CD226: variants seen among roughly 807,000 people sequenced by gnomAD.
CD226 encodes CD226 antigen.
In CD226, 24 loss-of-function variants were observed where a neutral mutation model predicts 34.9. The observed-to-expected ratio is 0.69, with a 90% CI of 0.50 to 0.97. The LOEUF (loss-of-function observed/expected upper bound fraction) is 0.97. Among genes scored for constraint, CD226 ranks in the 50% least tolerant of loss-of-function variants. CD226 has a pLI of 0.00. For missense variants in CD226, 397 were observed against 412.7 expected (o/e 0.96, Z 0.33); for synonymous variants, 148 against 147.4 (o/e 1.00, Z -0.03).
At position 69,857,553 on chromosome 18, in the gene CD226, G is replaced by T. The variant is rs1889542439; in HGVS notation, c.*6761C>A. 1 of 152,196 alleles carries T rather than the reference G, an allele frequency of 6.6e-6. No homozygotes were observed. The highest frequency in any genetic ancestry group is 2.1e-4 in the South Asian group (1 of 4,830). The allele number at this position is 152,196 out of a possible 1,614,324, so 9.4% of individuals were successfully genotyped here. A position where few individuals can be genotyped will look rare whatever the true frequency, so the allele number is the denominator to read the frequency against. On this transcript the variant is annotated 3_prime_UTR_variant, in exon 6 of 6. Coordinates refer to ENST00000582621, the MANE Select transcript of CD226 (RefSeq NM_001303618.2). ...ATGATTGAATAAGGATATATCTTAA[G>T]AATGCATTTTCATAAAAACATAAAA...
intron 3 of CD226, among the ~76,000 whole-genome samples, chr18:69,880,320 AAAAG>A (rs1411727496): frequency 3.1e-4 from 38 of 121,024 alleles, no homozygotes; most frequent in African/African-American, 1.1e-3. Flanking sequence ...GAAAGAAAGA[AAAAG>A]AAAGAGAGAA....
chr18:69,895,606 A>T, intron 3 of CD226, 95 bp downstream of exon 3: 1 of 896,776 alleles, frequency 1.1e-6, no homozygotes, highest in Non-Finnish European at 1.8e-6. Flanking sequence ...TATGCGCATT[A>T]AATGAACATG....
chr18:69,871,255 C>T (rs892225375), intron 4 of CD226, among the ~76,000 whole-genome samples: 2 of 152,146 alleles, frequency 1.3e-5, no homozygotes, highest in Non-Finnish European at 2.9e-5. Context: ...GTGGAAGAGT[C>T]CGTGGTGCTA....
chr18:69,893,893 C>G (rs1030337391), intron 3 of CD226, among the ~76,000 whole-genome samples: 1 of 152,234 alleles, frequency 6.6e-6, no homozygotes, highest in African/African-American at 2.4e-5. Flanking sequence ...ATAGTGGAAG[C>G]TTCTGTTTAT....
chr18:69,914,212 G>A (rs1290809413), intron 2 of CD226, among the ~76,000 whole-genome samples: 1 of 152,148 alleles, frequency 6.6e-6, no homozygotes, highest in Non-Finnish European at 1.5e-5. Context: ...GATCACACCT[G>A]CAAAACTACT....
rs1415685196 is a variant in CD226, at chr18:69,900,576, C to CA, written c.383-4532dup. On this transcript the variant is annotated intron_variant, in intron 2 of 5. Coordinates refer to ENST00000582621, the MANE Select transcript of CD226 (RefSeq NM_001303618.2). ...TGAAACCCCGTCTCTACTAAAAATA[C>CA]AAAAAATTAGCCGGGCGCGGTGGCG... Among the ~76,000 whole-genome samples, 35 of 150,824 alleles carry CA rather than the reference C, an allele frequency of 2.3e-4. No individual in the cohort carries two copies. In the East Asian group the frequency reaches 4.1e-3, roughly 18 times the overall value.
At chr18:69,884,131 A>G (rs1984423957) in intron 3 of CD226, among the ~76,000 whole-genome samples, 1 of 152,246 alleles carries the variant, frequency 6.6e-6, no homozygotes. Flanking sequence ...CAGAGAGCCA[A>G]CCTTGCAGGC....
intron 3 of CD226, among the ~76,000 whole-genome samples, chr18:69,884,398 CCA>C (rs144066358): frequency 0.038 from 5,834 of 152,220 alleles, 369 homozygotes; most frequent in African/African-American, 0.13. Context: ...CTGCTGAGCC[CCA>C]GTCTGCCAGT....
rs79046231 is a variant in CD226 at position 69,946,722 on chromosome 18, A to C, written c.382+12T>G. On this transcript the variant is annotated intron_variant, in intron 2 of 5. Transcript: ENST00000582621. ...AAAAAGGGATTTAAAAAAAAAAAAAACTTGCCCTTACCTGACTGAACCACC... is the reference window on the plus strand; with the variant it reads ...AAAAAGGGATTTAAAAAAAAAAAAACCTTGCCCTTACCTGACTGAACCACC... 1 of 1,549,716 alleles carries C rather than the reference A, an allele frequency of 6.5e-7. No individual in the cohort carries two copies. Among genetic ancestry groups the C allele is most frequent in the Non-Finnish European group, 8.7e-7 (1 of 1,148,714 alleles).
Position 69,918,245 on chromosome 18 carries a change from A to AGCC in CD226, c.383-22201_383-22200insGGC, listed in dbSNP as rs543394001. On this transcript the variant is annotated intron_variant, in intron 2 of 5. Coordinates refer to ENST00000582621, the MANE Select transcript of CD226 (RefSeq NM_001303618.2). ...AAAATATTTGGTAAGGGCCTAGTAC[A>AGCC]TGAGAAGTACTAAAGAAGCTATTAG... is the stretch of plus-strand genomic sequence containing the variant. Among the ~76,000 whole-genome samples the AGCC allele has an allele frequency of 5.7e-4, 87 of 152,334 alleles. 2 individuals are homozygous for AGCC. The South Asian group carries it at 0.018, about 31-fold the overall frequency.
chr18:69,930,799 G>A (rs2055579887), intron 2 of CD226, among the ~76,000 whole-genome samples: 1 of 152,180 alleles, frequency 6.6e-6, no homozygotes, highest in Non-Finnish European at 1.5e-5. Context: ...CCATAGTACA[G>A]GTGCTCCATA....
intron 2 of CD226, among the ~76,000 whole-genome samples, chr18:69,913,955 T>C (rs1338294500): frequency 6.6e-6 from 1 of 152,220 alleles, no homozygotes; most frequent in African/African-American, 2.4e-5. Context: ...TTCTCTATCA[T>C]TCTATTGATC....
At chr18:69,957,997 C>T (rs1234047359), upstream of CD226, among the ~76,000 whole-genome samples, 1 of 152,202 alleles carries the variant, frequency 6.6e-6, no homozygotes, top group Non-Finnish European at 1.5e-5. Flanking sequence ...AATTTGAGGA[C>T]AATGCTCTAA....
intron 2 of CD226, among the ~76,000 whole-genome samples, chr18:69,912,323 T>C (rs1157219468): frequency 6.6e-6 from 1 of 152,210 alleles, no homozygotes; most frequent in East Asian, 1.9e-4. Context: ...AAACATAAAA[T>C]GGTTGAGCCT....
At position 69,853,676 on chromosome 18, in the gene CD226, C is replaced by G. The variant is rs1325516738; in HGVS notation, c.*10638G>C. On this transcript the variant is annotated 3_prime_UTR_variant, in exon 6 of 6. Transcript: ENST00000582621. ...CTGAGCTCTGTGATGAGTGAGCATC[C>G]CCAGCAGTTCATCTTTAGTTTATTT... 1 of 152,082 alleles carries G rather than the reference C, an allele frequency of 6.6e-6. No individual in the cohort carries two copies. Among genetic ancestry groups the G allele is most frequent in the Non-Finnish European group, 1.5e-5 (1 of 68,020 alleles). 9.4% of individuals were successfully genotyped at this position (152,082 alleles called of 1,614,324 possible). A position where few individuals can be genotyped will look rare whatever the true frequency, so the allele number is the denominator to read the frequency against.
intron 2 of CD226, among the ~76,000 whole-genome samples, chr18:69,936,067 G>A (rs2055648954): frequency 1.3e-5 from 2 of 152,164 alleles, no homozygotes; most frequent in African/African-American, 4.8e-5. Context: ...GAGGTAGAGA[G>A]AAACCCAGGC....
chr18:69,938,763 G>A (rs879474584), intron 2 of CD226, among the ~76,000 whole-genome samples: 2 of 152,164 alleles, frequency 1.3e-5, no homozygotes, highest in African/African-American at 2.4e-5. Flanking sequence ...CTCAAAAATT[G>A]CAATCACATC....
chr18:69,855,852 T>C lies in CD226; in HGVS notation c.*8462A>G, dbSNP rs1019770943. The C allele has an allele frequency of 1.3e-5, 2 of 152,062 alleles. No homozygotes were observed. Among genetic ancestry groups the C allele is most frequent in the African/African-American group, 2.4e-5 (1 of 41,402 alleles). The allele number at this position is 152,062 out of a possible 1,614,324, so 9.4% of individuals were successfully genotyped here. On this transcript the variant is annotated 3_prime_UTR_variant, in exon 6 of 6. Transcript: ENST00000582621. ...ATTTGAATAATCTAAATGTACCAAT[T>C]AGAAGTGGTGGGTTTAAACACACAA... is the stretch of plus-strand genomic sequence containing the variant.
At chr18:69,948,006 A>T (rs547306957), upstream of CD226, among the ~76,000 whole-genome samples, 8 of 152,254 alleles carry the variant, frequency 5.3e-5, no homozygotes, top group South Asian at 1.7e-3. Flanking sequence ...TGAGGACCAA[A>T]AAACAGATCA....
Sources: gnomAD v4.1 joint callset for allele counts (sites outside exome capture counted in the v4.1 genomes callset) on GRCh38, gnomAD v4.1.1 for gene constraint, MANE v1.5 for transcripts, NCBI Gene and HGNC (gene_info 2026-07-23, HGNC 2026-07-21) for gene names.